FOXP1: variants seen among roughly 807,000 people sequenced by gnomAD.
The protein encoded by FOXP1 is forkhead box protein P1.
Under a neutral mutation model 98.2 loss-of-function variants are expected in FOXP1, and 15 were observed. That is an observed-to-expected ratio of 0.15 (90% CI 0.10 to 0.24). The LOEUF (loss-of-function observed/expected upper bound fraction) is 0.24. Among genes scored for constraint, FOXP1 ranks in the 10% least tolerant of loss-of-function variants. The pLI is 1.00. For synonymous variants in FOXP1, 371 were observed against 314.5 expected, an observed-to-expected ratio of 1.18 and a Z score of -1.90; for missense variants, 633 against 848.5, an observed-to-expected ratio of 0.75 and a Z score of 3.15.
At chr3:71,128,156 C>A (rs1287261868) in intron 6 of FOXP1, among the ~76,000 whole-genome samples, 1 of 152,156 alleles carries the variant, frequency 6.6e-6, no homozygotes, top group African/African-American at 2.4e-5. Context: ...GAATCACGCA[C>A]ATCACTTCTT....
chr3:71,002,633 A>G (rs1291786358), intron 12 of FOXP1, among the ~76,000 whole-genome samples: 1 of 152,214 alleles, frequency 6.6e-6, no homozygotes, highest in African/African-American at 2.4e-5. Flanking sequence ...TTGAAACTGC[A>G]TGCAAAAGTT....
intron 3 of FOXP1, among the ~76,000 whole-genome samples, chr3:71,362,566 C>T (rs1351804070): frequency 6.6e-6 from 1 of 152,140 alleles, no homozygotes; most frequent in Non-Finnish European, 1.5e-5. Context: ...ATCTCCCAGG[C>T]TCAAGCCATC....
At chr3:71,280,126 CAAAAAA>C (rs56674677) in intron 5 of FOXP1, among the ~76,000 whole-genome samples, 40 of 106,196 alleles carry the variant, frequency 3.8e-4, no homozygotes, top group East Asian at 5.4e-4. Context: ...CTGTCTCAAA[CAAAAAA>C]AAAAAAAAAA....
intron 4 of FOXP1, among the ~76,000 whole-genome samples, chr3:71,346,917 C>T (rs2077400554): frequency 6.6e-6 from 1 of 152,084 alleles, no homozygotes; most frequent in Non-Finnish European, 1.5e-5. Flanking sequence ...GTGGCACGCA[C>T]CTGCCTCAGG....
chr3:70,976,355 A>G (rs1394303265), intron 17 of FOXP1, among the ~76,000 whole-genome samples: 1 of 152,152 alleles, frequency 6.6e-6, no homozygotes. Flanking sequence ...TGCCTGGCCG[A>G]CAATCTCTTG....
intron 2 of FOXP1, among the ~76,000 whole-genome samples, chr3:71,568,412 C>G (rs1253664846): frequency 6.6e-6 from 1 of 152,170 alleles, no homozygotes; most frequent in Non-Finnish European, 1.5e-5. Context: ...CCCTTCAAGA[C>G]AGTTTCTGAA....
intron 8 of FOXP1, among the ~76,000 whole-genome samples, chr3:71,053,268 G>A (rs1277878641): frequency 6.6e-6 from 1 of 152,134 alleles, no homozygotes; most frequent in Admixed American, 6.5e-5. Context: ...GAGTCGAAAT[G>A]GGGACATCAA....
intron 3 of FOXP1, among the ~76,000 whole-genome samples, chr3:71,390,611 C>T (rs1010833166): frequency 1.3e-5 from 2 of 152,002 alleles, no homozygotes; most frequent in African/African-American, 4.8e-5. Context: ...GTCAAGAATT[C>T]TATAGGAAGA....
At chr3:71,251,532 C>A (rs546906089) in intron 5 of FOXP1, among the ~76,000 whole-genome samples, 1 of 152,140 alleles carries the variant, frequency 6.6e-6, no homozygotes, top group African/African-American at 2.4e-5. Context: ...AAATACAGAA[C>A]CAAAGACCAT....
At chr3:71,340,134 C>T (rs1049511343) in intron 4 of FOXP1, among the ~76,000 whole-genome samples, 1 of 152,098 alleles carries the variant, frequency 6.6e-6, no homozygotes, top group Non-Finnish European at 1.5e-5. Flanking sequence ...TAGATAACCC[C>T]CTGCCCCCCT....
intron 14 of FOXP1, among the ~76,000 whole-genome samples, chr3:70,981,325 C>A (rs1284553691): frequency 6.7e-6 from 1 of 149,892 alleles, no homozygotes; most frequent in Admixed American, 6.7e-5. Flanking sequence ...GGAATAAATA[C>A]TGAGCCAGAA....
rs149449559 is a variant in FOXP1, at chr3:71,089,296, C to T, written c.282+23240G>A. Among the ~76,000 whole-genome samples, 422 of 152,306 alleles carry T rather than the reference C, an allele frequency of 2.8e-3. 3 individuals carry two copies. The highest frequency in any genetic ancestry group is 9.7e-3 in the African/African-American group (402 of 41,562). ...ACATCACAAGGGCACTGAAGTCACA[C>T]TATGGAGAGGTCCACAGCCTGAGAA... On this transcript the variant is annotated intron_variant, in intron 7 of 20. Transcript: ENST00000649528.
rs6147878 is a variant in FOXP1, at chr3:71,067,731, T to TACACACACACACACACACACAC, written c.283-13980_283-13959dup. 8.2e-3 allele frequency among the ~76,000 whole-genome samples: 1,042 copies of TACACACACACACACACACACAC among 126,574 alleles called. 23 individuals carry two copies. Among genetic ancestry groups the TACACACACACACACACACACAC allele is most frequent in the East Asian group, 9.6e-3 (41 of 4,286 alleles). The allele number at this position is 126,574 out of a possible 152,430, so 83.0% of individuals were successfully genotyped here. A position where few individuals can be genotyped will look rare whatever the true frequency, so the allele number is the denominator to read the frequency against. On this transcript the variant is annotated intron_variant, in intron 7 of 20. Transcript: ENST00000649528. The stretch of plus-strand genomic sequence containing the variant: ...CACAGTGGGACTCCGTCTCCAAAAA[T>TACACACACACACACACACACAC]ACACACACACACACACACACACACA...
chr3:71,203,220 A>AG (rs1388627521), intron 5 of FOXP1, among the ~76,000 whole-genome samples: 1 of 152,186 alleles, frequency 6.6e-6, no homozygotes, highest in Non-Finnish European at 1.5e-5. Flanking sequence ...AACCCTACAA[A>AG]GGTCAATGCT....
chr3:71,310,831 C>T (rs1424441461), intron 4 of FOXP1, among the ~76,000 whole-genome samples: 2 of 152,178 alleles, frequency 1.3e-5, no homozygotes, highest in Admixed American at 1.3e-4. Context: ...CTCATGGCTG[C>T]CTACCAGGCC....
chr3:71,103,924 C>T (rs2057201446), intron 7 of FOXP1, among the ~76,000 whole-genome samples: 1 of 151,932 alleles, frequency 6.6e-6, no homozygotes, highest in Non-Finnish European at 1.5e-5. Context: ...ATATTGTGTA[C>T]AAAAATTCTA....
intron 2 of FOXP1, among the ~76,000 whole-genome samples, chr3:71,503,628 G>A (rs998148648): frequency 1.4e-5 from 2 of 138,132 alleles, no homozygotes; most frequent in Non-Finnish European, 3.1e-5. Flanking sequence ...AAAACACCAC[G>A]AATTAAGGTT....
chr3:71,026,532 T>C (rs921523425), intron 11 of FOXP1, among the ~76,000 whole-genome samples: 1 of 152,126 alleles, frequency 6.6e-6, no homozygotes, highest in Non-Finnish European at 1.5e-5. Flanking sequence ...AACAGCACAG[T>C]GTAGTGTGTC....
intron 4 of FOXP1, among the ~76,000 whole-genome samples, chr3:71,344,836 T>TTA (rs2077227658): frequency 2.7e-5 from 4 of 150,354 alleles, no homozygotes; most frequent in African/African-American, 9.8e-5. Flanking sequence ...CCGTCTCAAT[T>TTA]AAAAAAAAAA....
Sources: allele counts gnomAD v4.1 joint callset (sites outside exome capture counted in the v4.1 genomes callset), GRCh38; gene constraint gnomAD v4.1.1; transcripts MANE v1.5; gene names NCBI Gene and HGNC (gene_info 2026-07-23, HGNC 2026-07-21).